ALK: variants seen among roughly 807,000 people sequenced by gnomAD.
The protein encoded by ALK is ALK receptor tyrosine kinase.
ALK carries 74 observed loss-of-function variants against 163.1 expected under a neutral mutation model. The ratio of observed to expected loss-of-function variants is 0.45; its 90% CI spans 0.38 to 0.55. The LOEUF is 0.55. ALK is among the 20% of genes least tolerant of loss of function. The pLI is 0.00. For missense variants in ALK, 2,063 were observed against 2,105.3 expected (o/e 0.98, Z 0.39); for synonymous variants, 960 against 843.2 (o/e 1.14, Z -2.40).
At chr2:29,211,519 C>T (rs1669465518) in intron 24 of ALK, among the ~76,000 whole-genome samples, 1 of 152,072 alleles carries the variant, frequency 6.6e-6, no homozygotes, top group African/African-American at 2.4e-5. Context: ...GGCAATAAAC[C>T]ATGTCCAAAG....
At position 29,207,161 on chromosome 2, in the gene ALK, G is replaced by A. The variant is rs779882215; in HGVS notation, c.3938+10C>T. 6.2e-7 allele frequency: 1 copy of A among 1,606,524 alleles called. No individual in the cohort carries two copies. Among genetic ancestry groups the A allele is most frequent in the Non-Finnish European group, 8.5e-7 (1 of 1,173,164 alleles). On this transcript the variant is annotated intron_variant, in intron 26 of 28. Transcript: ENST00000389048. Reference sequence around the variant, plus strand: ...CTGCAGGGATACCTGGAGGATGATGGCTGACTTACCATGTGTCTGTTTTAG... The same window carrying A: ...CTGCAGGGATACCTGGAGGATGATGACTGACTTACCATGTGTCTGTTTTAG...
intron 3 of ALK, among the ~76,000 whole-genome samples, chr2:29,645,138 C>A (rs1165046733): frequency 3.9e-5 from 6 of 152,080 alleles, no homozygotes; most frequent in Admixed American, 3.3e-4. Context: ...AATATTTTTG[C>A]TACCACCAGG....
At chr2:29,568,686 TG>T (rs912155961) in intron 3 of ALK, among the ~76,000 whole-genome samples, 11 of 152,110 alleles carry the variant, frequency 7.2e-5, no homozygotes, top group African/African-American at 2.7e-4. Flanking sequence ...AGAGAAAGCA[TG>T]GGTGTGGGTT....
chr2:29,661,734 G>A (rs1446188316), intron 3 of ALK, among the ~76,000 whole-genome samples: 1 of 152,128 alleles, frequency 6.6e-6, no homozygotes, highest in African/African-American at 2.4e-5. Flanking sequence ...TGGTCCTTGT[G>A]TTCACTCTAT....
chr2:29,763,133 G>T (rs1680759035), intron 1 of ALK, among the ~76,000 whole-genome samples: 1 of 151,630 alleles, frequency 6.6e-6, no homozygotes, highest in African/African-American at 2.4e-5. Context: ...CAGATGACCT[G>T]GGTATGGGTC....
At chr2:29,441,842 C>T (rs1249909709) in intron 4 of ALK, among the ~76,000 whole-genome samples, 2 of 152,262 alleles carry the variant, frequency 1.3e-5, no homozygotes, top group South Asian at 2.1e-4. Flanking sequence ...TGTTCCTCTG[C>T]AGCCCAGGAA....
At chr2:29,808,000 G>A (rs771230312) in intron 1 of ALK, among the ~76,000 whole-genome samples, 1 of 152,178 alleles carries the variant, frequency 6.6e-6, no homozygotes, top group Non-Finnish European at 1.5e-5. Context: ...GCAAGCTTCA[G>A]GCTTAGAGAC....
At chr2:29,780,297 T>C (rs7556785) in intron 1 of ALK, among the ~76,000 whole-genome samples, 88,945 of 152,064 alleles carry the variant, frequency 0.58, 31,328 homozygotes, top group Non-Finnish European at 0.79. Flanking sequence ...ATGCTCACTT[T>C]CCTATTTTGT....
intron 3 of ALK, among the ~76,000 whole-genome samples, chr2:29,548,342 G>A (rs7579512): frequency 0.12 from 18,679 of 152,036 alleles, 1,509 homozygotes; most frequent in Non-Finnish European, 0.19. Context: ...GCGTGGTGGC[G>A]TGCACCTGTA....
At chr2:29,366,000 G>A (rs774475577) in intron 5 of ALK, among the ~76,000 whole-genome samples, 10 of 150,868 alleles carry the variant, frequency 6.6e-5, no homozygotes, top group Non-Finnish European at 7.4e-5. Context: ...TTAGAGAGCC[G>A]CTAGTGCTTT....
chr2:29,335,973 G>A (rs1186213859), intron 5 of ALK, among the ~76,000 whole-genome samples: 1 of 152,152 alleles, frequency 6.6e-6, no homozygotes, highest in Non-Finnish European at 1.5e-5. Flanking sequence ...CTGGGAGGCG[G>A]AGGTTGCAGT....
intron 3 of ALK, among the ~76,000 whole-genome samples, chr2:29,686,381 T>C (rs1315539389): frequency 6.6e-6 from 1 of 152,164 alleles, no homozygotes; most frequent in Non-Finnish European, 1.5e-5. Flanking sequence ...CCAGAAACCA[T>C]GGCCAAACCT....
intron 1 of ALK, among the ~76,000 whole-genome samples, chr2:29,758,158 G>A (rs1680593129): frequency 6.6e-6 from 1 of 151,874 alleles, no homozygotes; most frequent in Non-Finnish European, 1.5e-5. Flanking sequence ...CCACAGGCAT[G>A]TGCCACCATA....
chr2:29,583,046 T>G (rs1573475282), intron 3 of ALK, among the ~76,000 whole-genome samples: 3 of 149,776 alleles, frequency 2.0e-5, no homozygotes, highest in African/African-American at 7.4e-5. Context: ...TTTTTTGTTT[T>G]TTTGTTTTTT....
intron 23 of ALK, among the ~76,000 whole-genome samples, chr2:29,215,252 C>T (rs1008508950): frequency 5.3e-5 from 8 of 152,208 alleles, no homozygotes; most frequent in Admixed American, 2.0e-4. Flanking sequence ...AGCCAGGCGG[C>T]AGCGGTGGAA....
intron 3 of ALK, among the ~76,000 whole-genome samples, chr2:29,544,162 G>A (rs1457710518): frequency 6.6e-6 from 1 of 152,206 alleles, no homozygotes; most frequent in African/African-American, 2.4e-5. Context: ...AATCTGGACA[G>A]AAGGAGTGCA....
intron 15 of ALK, among the ~76,000 whole-genome samples, 184 bp downstream of exon 15, chr2:29,232,120 A>G (rs1664227095): frequency 6.6e-6 from 1 of 152,142 alleles, no homozygotes; most frequent in Non-Finnish European, 1.5e-5. Context: ...CCAGGTCAGC[A>G]AGATGGCCTG....
intron 1 of ALK, among the ~76,000 whole-genome samples, chr2:29,837,020 C>T (rs1454307827): frequency 1.3e-5 from 2 of 152,076 alleles, no homozygotes; most frequent in Non-Finnish European, 2.9e-5. Context: ...GACTGTAATC[C>T]CTGATCCCAC....
At chr2:29,895,928 C>G (rs1032671898) in intron 1 of ALK, among the ~76,000 whole-genome samples, 2 of 152,188 alleles carry the variant, frequency 1.3e-5, no homozygotes, top group African/African-American at 4.8e-5. Context: ...CCCTGGTCTT[C>G]CCTACATTCC....
Sources: gnomAD v4.1 joint callset for allele counts (sites outside exome capture counted in the v4.1 genomes callset) on GRCh38, gnomAD v4.1.1 for gene constraint, MANE v1.5 for transcripts, NCBI Gene and HGNC (gene_info 2026-07-23, HGNC 2026-07-21) for gene names.